The following ANKS1B variants were observed in gnomAD, a reference collection of about 807,000 sequenced individuals.
The protein encoded by ANKS1B is ankyrin repeat and sterile alpha motif domain containing 1B.
In ANKS1B, 36 loss-of-function variants were observed where a neutral mutation model predicts 148.3. The ratio of observed to expected loss-of-function variants is 0.24; its 90% CI spans 0.19 to 0.32. ANKS1B has a LOEUF of 0.32. ANKS1B is among the 10% of genes least tolerant of loss of function. The pLI is 1.00. For synonymous variants in ANKS1B, 542 were observed against 560.8 expected, an observed-to-expected ratio of 0.97 and a Z score of 0.47; for missense variants, 1,157 against 1,542.6, an observed-to-expected ratio of 0.75 and a Z score of 4.19.
At chr12:99,387,120 C>G (rs59964077) in intron 12 of ANKS1B, among the ~76,000 whole-genome samples, 15,992 of 151,992 alleles carry the variant, frequency 0.11, 847 homozygotes, top group Non-Finnish European at 0.12. Context: ...GTGAAGAACG[C>G]TAGGGGGAGT....
At chr12:98,775,245 GAA>G (rs1218364003) in intron 24 of ANKS1B, among the ~76,000 whole-genome samples, 5 of 152,140 alleles carry the variant, frequency 3.3e-5, no homozygotes, top group African/African-American at 1.2e-4. Context: ...CTTGGGAAAT[GAA>G]AAGTGCTCTG....
intron 12 of ANKS1B, among the ~76,000 whole-genome samples, chr12:99,269,645 G>A (rs779282414): frequency 6.6e-5 from 10 of 152,062 alleles, no homozygotes; most frequent in Non-Finnish European, 1.3e-4. Flanking sequence ...TGCAAGCTCC[G>A]CGTCCCGGGT....
At chr12:99,208,671 A>G (rs2082966828) in intron 14 of ANKS1B, among the ~76,000 whole-genome samples, 1 of 152,188 alleles carries the variant, frequency 6.6e-6, no homozygotes, top group Admixed American at 6.6e-5. Flanking sequence ...AACTCTGGTG[A>G]AGAAACTGGA....
At chr12:98,802,270 C>A (rs1043416769) in intron 20 of ANKS1B, among the ~76,000 whole-genome samples, 1 of 152,286 alleles carries the variant, frequency 6.6e-6, no homozygotes, top group South Asian at 2.1e-4. Flanking sequence ...CACAGAAGTG[C>A]TAGAAAGTGT....
intron 9 of ANKS1B, among the ~76,000 whole-genome samples, chr12:99,507,080 A>T (rs1031241689): frequency 2.0e-4 from 31 of 151,998 alleles, no homozygotes; most frequent in African/African-American, 7.0e-4. Context: ...AAAGCTAACT[A>T]CAAGTTATGG....
chr12:99,531,413 T>G (rs1312564969), intron 9 of ANKS1B, among the ~76,000 whole-genome samples: 1 of 152,176 alleles, frequency 6.6e-6, no homozygotes, highest in Non-Finnish European at 1.5e-5. Context: ...ACAGTACACC[T>G]TTGTGTACCT....
intron 16 of ANKS1B, among the ~76,000 whole-genome samples, chr12:99,081,328 TC>T (rs1322514676): frequency 2.6e-5 from 4 of 152,134 alleles, no homozygotes; most frequent in African/African-American, 7.2e-5. Context: ...AATTAAAGGA[TC>T]CCAGGTAGCA....
intron 17 of ANKS1B, among the ~76,000 whole-genome samples, chr12:98,888,061 G>A (rs979275258): frequency 2.0e-5 from 3 of 152,052 alleles, no homozygotes; most frequent in Non-Finnish European, 4.4e-5. Context: ...TGCTAAAGGT[G>A]GTTATTTCTG....
chr12:99,096,371 GA>G (rs533421820), intron 15 of ANKS1B, among the ~76,000 whole-genome samples: 4,240 of 148,792 alleles, frequency 0.028, 64 homozygotes, highest in African/African-American at 0.031. Flanking sequence ...ATGTCTTCAG[GA>G]AAAAAAAAAA....
chr12:98,768,888 G>C (rs1044172744), intron 25 of ANKS1B, among the ~76,000 whole-genome samples: 1 of 151,492 alleles, frequency 6.6e-6, no homozygotes, highest in Non-Finnish European at 1.5e-5. Flanking sequence ...CTGTAGGGGG[G>C]GCTCCAGGCC....
chr12:98,763,777 C>T lies in ANKS1B; in HGVS notation c.3579+9265G>A, dbSNP rs78355312. ...TGCAGTCTCATAAGTTCCTTTTTTG[C>T]GCAACATTATCTCATAGTTGGTCTT... On this transcript the variant is annotated intron_variant, in intron 25 of 26. Transcript: ENST00000683438. 4.0e-3 allele frequency among the ~76,000 whole-genome samples: 602 copies of T among 152,020 alleles called. 3 individuals are homozygous for T. The highest frequency in any genetic ancestry group is 5.6e-3 in the Non-Finnish European group (382 of 67,988).
chr12:99,117,506 T>G (rs1233740126), intron 15 of ANKS1B, among the ~76,000 whole-genome samples: 1 of 152,210 alleles, frequency 6.6e-6, no homozygotes, highest in Admixed American at 6.5e-5. Flanking sequence ...TGTTTATTGA[T>G]TTGTGTATGT....
chr12:98,763,985 G>A (rs572690893), intron 25 of ANKS1B, among the ~76,000 whole-genome samples: 102 of 152,312 alleles, frequency 6.7e-4, no homozygotes, highest in African/African-American at 2.2e-3. Context: ...GTCATGCACT[G>A]CAGCCCAACA....
chr12:99,780,072 A>T, intron 5 of ANKS1B, 100 bp from the exon 6 acceptor site: 3 of 824,730 alleles, frequency 3.6e-6, no homozygotes, highest in Admixed American at 2.6e-5. Context: ...TATACAGACC[A>T]AGCATTGAAA....
chr12:99,564,841 C>T (rs142312698), intron 9 of ANKS1B, among the ~76,000 whole-genome samples: 71 of 152,126 alleles, frequency 4.7e-4, no homozygotes, highest in Non-Finnish European at 8.5e-4. Context: ...TACCAGGAAC[C>T]CTTCTGACTC....
chr12:98,800,675 G>GATATATATATATATATAT lies in ANKS1B; in HGVS notation c.3270+321_3270+322insATATATATATATATATAT, dbSNP rs3049844. Among the ~76,000 whole-genome samples, 394 of 99,668 alleles carry GATATATATATATATATAT rather than the reference G, an allele frequency of 4.0e-3. 30 individuals carry two copies. The highest frequency in any genetic ancestry group is 4.7e-3 in the Non-Finnish European group (216 of 46,318). 65.4% of individuals were successfully genotyped at this position (99,668 alleles called of 152,430 possible). A position where few individuals can be genotyped will look rare whatever the true frequency, so the allele number is the denominator to read the frequency against. Reference sequence around the variant, plus strand: ...ACCCAGTGTTTGGTGAGTGAGCAGAGATATATATATATATATGCCATATTT... The same window carrying GATATATATATATATATAT: ...ACCCAGTGTTTGGTGAGTGAGCAGAGATATATATATATATATATATATATATATATATATGCCATATTT... On this transcript the variant is annotated intron_variant, in intron 21 of 26. Coordinates refer to ENST00000683438, the MANE Select transcript of ANKS1B (RefSeq NM_001352186.2).
intron 1 of ANKS1B, among the ~76,000 whole-genome samples, chr12:99,966,297 A>G (rs2095483427): frequency 1.3e-5 from 2 of 152,222 alleles, no homozygotes; most frequent in Admixed American, 6.5e-5. Flanking sequence ...TTCTGGGGTG[A>G]TTAGGTTGAC....
chr12:99,135,190 A>G (rs2067596933), intron 15 of ANKS1B, among the ~76,000 whole-genome samples: 1 of 152,310 alleles, frequency 6.6e-6, no homozygotes, highest in East Asian at 1.9e-4. Flanking sequence ...TTAAAAATCT[A>G]TTTAAACATT....
chr12:99,698,689 G>A lies in ANKS1B; in HGVS notation c.1129-43479C>T, dbSNP rs138534262. On this transcript the variant is annotated intron_variant, in intron 8 of 26. Transcript: ENST00000683438. ...CTCGGGTTTATGAATCTAACATTGC[G>A]TCTTATCTGTAGTTGGGACATGCTG... Among the ~76,000 whole-genome samples, 481 of 152,160 alleles carry A rather than the reference G, an allele frequency of 3.2e-3. 4 individuals carry two copies. The highest frequency in any genetic ancestry group is 0.011 in the African/African-American group (453 of 41,510).
Sources: gnomAD v4.1 joint callset for allele counts (sites outside exome capture counted in the v4.1 genomes callset) on GRCh38, gnomAD v4.1.1 for gene constraint, MANE v1.5 for transcripts, NCBI Gene and HGNC (gene_info 2026-07-23, HGNC 2026-07-21) for gene names.